The following TBCD variants were observed in gnomAD, a reference collection of about 807,000 sequenced individuals.
TBCD encodes the protein tubulin folding cofactor D, also known as tubulin-specific chaperone D.
TBCD carries 105 observed loss-of-function variants against 169.3 expected under a neutral mutation model. The observed-to-expected ratio is 0.62, with a 90% CI of 0.53 to 0.73. The LOEUF (loss-of-function observed/expected upper bound fraction) is 0.73, where lower values mean the gene tolerates loss of function less well. TBCD is among the 30% of genes least tolerant of loss of function. The probability of loss-of-function intolerance (pLI) is 0.00; values close to 1 mark genes in which losing one functional copy is unlikely to be tolerated. For synonymous variants in TBCD, 700 were observed against 643.9 expected (o/e 1.09, Z -1.32); for missense variants, 1,444 against 1,600.1 (o/e 0.90, Z 1.66).
rs375951418 is a variant in TBCD at position 82,763,994 on chromosome 17, G to A, written c.265G>A (p.Val89Met). The A allele has an allele frequency of 5.1e-5, 83 of 1,613,772 alleles. No homozygotes were observed. The highest frequency in any genetic ancestry group is 6.7e-5 in the Non-Finnish European group (79 of 1,179,844). Residue 89 changes from valine (V) to methionine (M), a missense_variant, in exon 3 of 39, where the codon GTG (valine) becomes ATG (methionine). Val to Met is a conservative substitution (Grantham distance 21). Transcript: ENST00000355528. The stretch of plus-strand genomic sequence containing the variant: ...GATGATGAACTTGTTGTTGGACATA[G>A]TGCAAGATCAGACATCTCCAGCTTC... ...EWMMNLLLDIVQDQTSPASLV... is the reference protein window; with the variant it reads ...EWMMNLLLDIMQDQTSPASLV...
chr17:82,776,145 G>C (rs905653914), intron 6 of TBCD, among the ~76,000 whole-genome samples: 1 of 152,182 alleles, frequency 6.6e-6, no homozygotes, highest in African/African-American at 2.4e-5. Flanking sequence ...CTTGAGCCCA[G>C]GAGGCAGAGG....
At position 82,922,611 on chromosome 17, in the gene TBCD, C is replaced by G. The variant is rs747654715; in HGVS notation, c.2178+1034C>G. ...TTTGAATGCATCATGATCAGTGCCT[C>G]AAAATTTTATTTCAAAAGTCCATGA... On this transcript the variant is annotated intron_variant, in intron 25 of 38. Coordinates refer to ENST00000355528, the MANE Select transcript of TBCD (RefSeq NM_005993.5). The surrounding 1 kb of genome is among the most constrained non-coding windows in gnomAD (Gnocchi z 4.1). Among the ~76,000 whole-genome samples, 1 of 152,110 alleles carries G rather than the reference C, an allele frequency of 6.6e-6. No individual in the cohort carries two copies. The highest frequency in any genetic ancestry group is 1.5e-5 in the Non-Finnish European group (1 of 68,014).
rs974273119 is a variant in TBCD at position 82,869,014 on chromosome 17, G to T, written c.1319-1210G>T. ...GTGCGTGGAGCGGGTCGTGTGCAGAGCCCTGAATGAGGCCTTGGTGTGTGG... is the reference window on the plus strand; with the variant it reads ...GTGCGTGGAGCGGGTCGTGTGCAGATCCCTGAATGAGGCCTTGGTGTGTGG... On this transcript the variant is annotated intron_variant, in intron 13 of 38. Transcript: ENST00000355528. 3.9e-5 allele frequency among the ~76,000 whole-genome samples: 6 copies of T among 152,288 alleles called. No individual in the cohort carries two copies. The East Asian group carries it at 1.2e-3, about 29-fold the overall frequency.
chr17:82,932,592 G>C, intron 33 of TBCD, 66 bp from the exon 34 acceptor site: 1 of 1,345,488 alleles, frequency 7.4e-7, no homozygotes. Context: ...CTGACTCTCA[G>C]CCATTCAGGG....
intron 7 of TBCD, among the ~76,000 whole-genome samples, chr17:82,781,966 A>G (rs757553423): frequency 7.2e-5 from 11 of 152,186 alleles, no homozygotes; most frequent in African/African-American, 9.7e-5. Flanking sequence ...AGCAGAGGGC[A>G]GTGGTGCCAC....
Position 82,920,806 on chromosome 17 carries a change from C to T in TBCD, c.2101+188C>T, listed in dbSNP as rs2061377447. Among the ~76,000 whole-genome samples, 1 of 152,132 alleles carries T rather than the reference C, an allele frequency of 6.6e-6. No individual in the cohort carries two copies. Among genetic ancestry groups the T allele is most frequent in the Non-Finnish European group, 1.5e-5 (1 of 68,012 alleles). On this transcript the variant is annotated intron_variant, in intron 24 of 38. Transcript: ENST00000355528. This position sits in a 1 kb window ranked among gnomAD's most constrained non-coding sequence, Gnocchi z 4.1. Reference sequence around the variant, plus strand: ...AATAATGGGTACCCACCGCCCTCTCCCCCCAACACAGGAGGGCCCTTCCCC... The same window carrying T: ...AATAATGGGTACCCACCGCCCTCTCTCCCCAACACAGGAGGGCCCTTCCCC...
At chr17:82,773,149 A>G (rs2048389303) in intron 6 of TBCD, among the ~76,000 whole-genome samples, 1 of 152,218 alleles carries the variant, frequency 6.6e-6, no homozygotes, top group African/African-American at 2.4e-5. Flanking sequence ...CCCCTCTGCA[A>G]TAGTGAAAGT....
chr17:82,927,347 C>T (rs746349974), intron 29 of TBCD, 24 bp downstream of exon 29: 13 of 1,608,002 alleles, frequency 8.1e-6, no homozygotes, highest in South Asian at 2.2e-5. Flanking sequence ...AGTGGGTGAG[C>T]GCTTCTTCTG....
chr17:82,824,304 C>T (rs2052656259), intron 13 of TBCD, among the ~76,000 whole-genome samples: 1 of 151,896 alleles, frequency 6.6e-6, no homozygotes, highest in Admixed American at 6.6e-5. Context: ...GCCTCAGCCT[C>T]CTGAGTAGCT....
intron 11 of TBCD, 32 bp from the exon 12 acceptor site, chr17:82,809,676 G>C: frequency 6.2e-7 from 1 of 1,606,732 alleles, no homozygotes; most frequent in Non-Finnish European, 8.5e-7. Flanking sequence ...GGCTGGTGGT[G>C]CCCCTGACGG....
chr17:82,770,170 G>C (rs567862726), intron 5 of TBCD, among the ~76,000 whole-genome samples: 39 of 152,276 alleles, frequency 2.6e-4, no homozygotes, highest in South Asian at 1.4e-3. Context: ...TCAGCAACAC[G>C]TTCTTAGTGT....
At chr17:82,912,321 C>G (rs1164745310) in intron 23 of TBCD, among the ~76,000 whole-genome samples, 3 of 152,196 alleles carry the variant, frequency 2.0e-5, no homozygotes, top group Non-Finnish European at 4.4e-5. Context: ...GCCTCTGATA[C>G]CCCCCGGGGG....
intron 13 of TBCD, among the ~76,000 whole-genome samples, chr17:82,828,167 A>C (rs1391869136): frequency 1.4e-5 from 2 of 138,426 alleles, no homozygotes; most frequent in Non-Finnish European, 3.1e-5. Flanking sequence ...ACACATGCAC[A>C]CCCGTACAAT....
At chr17:82,820,257 C>T (rs1276126352) in intron 13 of TBCD, among the ~76,000 whole-genome samples, 2 of 152,172 alleles carry the variant, frequency 1.3e-5, no homozygotes, top group Admixed American at 6.5e-5. Flanking sequence ...GGATTACAGG[C>T]GTGAGGCACT....
intron 13 of TBCD, among the ~76,000 whole-genome samples, chr17:82,848,103 T>C (rs1567882791): frequency 6.6e-6 from 1 of 152,160 alleles, no homozygotes; most frequent in Non-Finnish European, 1.5e-5. Context: ...TGGTGCTCTG[T>C]GGCAGGGCTG....
At chr17:82,901,623 C>T (rs1161520828) in intron 18 of TBCD, among the ~76,000 whole-genome samples, 4 of 143,038 alleles carry the variant, frequency 2.8e-5, no homozygotes, top group African/African-American at 5.2e-5. Flanking sequence ...CTACTGTGGT[C>T]CTGCTTCCTG....
At position 82,923,560 on chromosome 17, in the gene TBCD, C is replaced by A; in HGVS notation, c.2179-92C>A. ...TGACCACGGTGTCCCTGGTCAGGTG[C>A]TTCTCCGACTTCAGAGTGACCTGCT... On this transcript the variant is annotated intron_variant, in intron 25 of 38. Transcript: ENST00000355528. This position sits in a 1 kb window ranked among gnomAD's most constrained non-coding sequence, Gnocchi z 4.6. 9.5e-7 allele frequency: 1 copy of A among 1,053,062 alleles called. No homozygotes were observed. The highest frequency in any genetic ancestry group is 1.4e-6 in the Non-Finnish European group (1 of 711,306). The allele number at this position is 1,053,062 out of a possible 1,614,324, so 65.2% of individuals were successfully genotyped here.
chr17:82,793,007 C>T (rs763292661), intron 7 of TBCD, among the ~76,000 whole-genome samples: 8 of 152,122 alleles, frequency 5.3e-5, no homozygotes, highest in Non-Finnish European at 1.0e-4. Flanking sequence ...AAGTAACCCT[C>T]CTGCCTTGGC....
intron 12 of TBCD, among the ~76,000 whole-genome samples, chr17:82,813,697 CTT>C (rs2051636006): frequency 6.6e-6 from 1 of 152,230 alleles, no homozygotes; most frequent in Non-Finnish European, 1.5e-5. Context: ...TGTGAAGCAT[CTT>C]TCTCCAATGA....
Sources: allele counts gnomAD v4.1 joint callset (sites outside exome capture counted in the v4.1 genomes callset), GRCh38; gene constraint gnomAD v4.1.1; non-coding constraint Gnocchi (gnomAD v3.1); transcripts MANE v1.5; gene names NCBI Gene and HGNC (gene_info 2026-07-23, HGNC 2026-07-21).